The following ST18 variants were observed in gnomAD, a reference collection of about 807,000 sequenced individuals.
ST18 encodes suppression of tumorigenicity 18 protein.
Under a neutral mutation model 110.0 loss-of-function variants are expected in ST18, and 50 were observed. That is an observed-to-expected ratio of 0.45 (90% CI 0.36 to 0.58). The LOEUF is 0.58. Ranked by LOEUF, ST18 falls within the 20% of genes least tolerant of loss-of-function variation. The pLI is 0.00. For synonymous variants in ST18, 461 were observed against 452.4 expected (o/e 1.02, Z -0.24); for missense variants, 1,306 against 1,280.1 (o/e 1.02, Z -0.31).
At chr8:52,408,983 A>C (rs1168635926) in intron 2 of ST18, 3 of 152,268 alleles carry the variant, frequency 2.0e-5, no homozygotes, top group African/African-American at 7.2e-5. Context: ...TGCAAATATA[A>C]ATCTAAAAGA....
In ST18 at chr8:52,279,798, T is replaced by C. The variant is rs187010345; in HGVS notation, c.-464-49721A>G. Among the ~76,000 whole-genome samples, 14 of 152,272 alleles carry C rather than the reference T, an allele frequency of 9.2e-5. No individual in the cohort carries two copies. In the East Asian group the frequency reaches 2.5e-3, roughly 27 times the overall value. ...AACGTGAACAATTCTGTCTTCACTA[T>C]CTTCAAACAAACACAAATTAAAAGA... On this transcript the variant is annotated intron_variant, in intron 2 of 25. Transcript: ENST00000689386.
At chr8:52,348,273 C>A (rs2140286325) in intron 2 of ST18, among the ~76,000 whole-genome samples, 1 of 152,302 alleles carries the variant, frequency 6.6e-6, no homozygotes, top group South Asian at 2.1e-4. Flanking sequence ...CAAGTGGATG[C>A]CTCAGATAAG....
intron 21 of ST18, among the ~76,000 whole-genome samples, chr8:52,132,558 C>T (rs529310025): frequency 1.3e-5 from 2 of 152,316 alleles, no homozygotes; most frequent in South Asian, 4.1e-4. Context: ...AACATGTTAA[C>T]TGCCTTAACA....
At chr8:52,153,348 T>C (rs1454529735) in intron 15 of ST18, among the ~76,000 whole-genome samples, 1 of 152,244 alleles carries the variant, frequency 6.6e-6, no homozygotes, top group Non-Finnish European at 1.5e-5. Context: ...AGTGTCCTTC[T>C]GATTAGGTTT....
At position 52,393,964 on chromosome 8, in the gene ST18, G is replaced by T. The variant is rs140517578; in HGVS notation, c.-465+15364C>A. 756 of 151,010 alleles carry T rather than the reference G, an allele frequency of 5.0e-3. 5 individuals are homozygous for T. The highest frequency in any genetic ancestry group is 6.5e-3 in the Non-Finnish European group (443 of 67,886). The allele number at this position is 151,010 out of a possible 1,614,324, so 9.4% of individuals were successfully genotyped here. A position where few individuals can be genotyped will look rare whatever the true frequency, so the allele number is the denominator to read the frequency against. ...GCACACCTCCAAACACCACACACAC[G>T]TGCACATGCATCTCTGTCTCTCTCC... On this transcript the variant is annotated intron_variant, in intron 2 of 25. Transcript: ENST00000689386.
At chr8:52,401,872 T>C (rs1842896689) in intron 2 of ST18, among the ~76,000 whole-genome samples, 2 of 152,234 alleles carry the variant, frequency 1.3e-5, no homozygotes, top group South Asian at 2.1e-4. Context: ...ATATTTCTTA[T>C]GTCCCTATGT....
intron 2 of ST18, among the ~76,000 whole-genome samples, chr8:52,318,491 T>A (rs2096068581): frequency 6.6e-6 from 1 of 152,158 alleles, no homozygotes; most frequent in South Asian, 2.1e-4. Context: ...ACAGTGGCAA[T>A]TCCTCAAAGA....
At chr8:52,190,393 T>C (rs1330237783) in intron 8 of ST18, among the ~76,000 whole-genome samples, 2 of 152,168 alleles carry the variant, frequency 1.3e-5, no homozygotes, top group African/African-American at 4.8e-5. Flanking sequence ...GCATGGCTGA[T>C]GGTCCCTATC....
At chr8:52,174,739 C>T (rs982459933) in intron 9 of ST18, among the ~76,000 whole-genome samples, 6 of 152,172 alleles carry the variant, frequency 3.9e-5, no homozygotes, top group African/African-American at 2.4e-5. Context: ...AATTATTCCT[C>T]AGAAAAAGAG....
At chr8:52,355,691 T>G (rs1293560164) in intron 2 of ST18, among the ~76,000 whole-genome samples, 2 of 152,220 alleles carry the variant, frequency 1.3e-5, no homozygotes, top group Non-Finnish European at 2.9e-5. Context: ...CCGTGTCATC[T>G]TAAACTGCCT....
intron 10 of ST18, 65 bp from the exon 11 acceptor site, chr8:52,167,051 T>C: frequency 6.5e-7 from 1 of 1,549,750 alleles, no homozygotes; most frequent in Admixed American, 1.8e-5. Flanking sequence ...TTCAATAGAA[T>C]GGCCTTGCAG....
At chr8:52,360,456 T>C (rs770077285) in intron 2 of ST18, among the ~76,000 whole-genome samples, 7 of 152,096 alleles carry the variant, frequency 4.6e-5, no homozygotes, top group Non-Finnish European at 7.4e-5. Flanking sequence ...ACATTTCAGC[T>C]TTTGCTCCTT....
intron 2 of ST18, among the ~76,000 whole-genome samples, chr8:52,304,329 T>TAC (rs1029995530): frequency 8.8e-4 from 134 of 151,878 alleles, no homozygotes; most frequent in African/African-American, 3.0e-3. Flanking sequence ...TGTGAGTACA[T>TAC]ACACACACAC....
At chr8:52,320,146 A>G (rs1803241342) in intron 2 of ST18, among the ~76,000 whole-genome samples, 1 of 152,212 alleles carries the variant, frequency 6.6e-6, no homozygotes, top group Non-Finnish European at 1.5e-5. Flanking sequence ...TTAAAGATAC[A>G]GTGTTAAGTA....
At chr8:52,297,543 G>A (rs1478132668) in intron 2 of ST18, among the ~76,000 whole-genome samples, 1 of 151,958 alleles carries the variant, frequency 6.6e-6, no homozygotes, top group East Asian at 1.9e-4. Flanking sequence ...TGTTTGCTCT[G>A]GCAGGACTAA....
chr8:52,357,709 ATATATATATATATATATATAT>A (rs1564568522), intron 2 of ST18, among the ~76,000 whole-genome samples: 13 of 83,616 alleles, frequency 1.6e-4, no homozygotes, highest in South Asian at 1.5e-3. Context: ...ATATATATAT[ATATATATATATATATATATAT>A]AAAACAGACT....
chr8:52,381,107 G>T (rs534589674), intron 2 of ST18, among the ~76,000 whole-genome samples: 1 of 152,122 alleles, frequency 6.6e-6, no homozygotes, highest in Non-Finnish European at 1.5e-5. Context: ...TTTTCTTCTT[G>T]CTGAAGCCTA....
At chr8:52,288,059 G>A (rs568754312) in intron 2 of ST18, among the ~76,000 whole-genome samples, 1 of 152,284 alleles carries the variant, frequency 6.6e-6, no homozygotes, top group Admixed American at 6.5e-5. Flanking sequence ...ACTAATCTGA[G>A]AGCAATCTAC....
chr8:52,133,061 G>A lies in ST18; in HGVS notation c.2440C>T (p.Leu814=). 1 of 1,614,122 alleles carries A rather than the reference G, an allele frequency of 6.2e-7. No individual in the cohort carries two copies. Among genetic ancestry groups the A allele is most frequent in the Non-Finnish European group, 8.5e-7 (1 of 1,180,014 alleles). The change falls in exon 21 of 26, where the codon CTG becomes TTG. Residue 814 remains leucine (L), a synonymous_variant. Transcript: ENST00000689386. ...TGTCTCAACTGTTGCACTTACTTCA[G>A]TTCAGGGTCTTCTTTTTCTTCCTTG... ...PTKEEKEDPE[L]KCPVIGCDGQ...
Sources: gnomAD v4.1 joint callset for allele counts (sites outside exome capture counted in the v4.1 genomes callset) on GRCh38, gnomAD v4.1.1 for gene constraint, MANE v1.5 for transcripts, NCBI Gene and HGNC (gene_info 2026-07-23, HGNC 2026-07-21) for gene names.